The following TENM1 variants were observed in gnomAD, a reference collection of about 807,000 sequenced individuals.
TENM1 encodes the protein teneurin transmembrane protein 1.
TENM1 carries 35 observed loss-of-function variants against 174.8 expected under a neutral mutation model. That is an observed-to-expected ratio of 0.20 (90% CI 0.15 to 0.27). The LOEUF is 0.27. TENM1 is among the 10% of genes least tolerant of loss of function. The probability of loss-of-function intolerance (pLI) is 1.00; values close to 1 mark genes in which losing one functional copy is unlikely to be tolerated. For synonymous variants in TENM1, 781 were observed against 798.7 expected (o/e 0.98, Z 0.37); for missense variants, 1,633 against 2,130.1 (o/e 0.77, Z 4.59).
chrX:124,545,823 C>A (rs1300610652), intron 15 of TENM1, among the ~76,000 whole-genome samples: 3 of 111,579 alleles, frequency 2.7e-5, no homozygotes, highest in African/African-American at 9.8e-5. Context: ...TTGTGATTCA[C>A]TGGCAGTTGG....
At position 124,605,069 on chromosome X, in the gene TENM1, A is replaced by G. The variant is rs142940791; in HGVS notation, c.2077+36722T>C. Among the ~76,000 whole-genome samples the G allele has an allele frequency of 5.6e-5, 6 of 106,658 alleles. No homozygotes were observed. The East Asian group carries it at 1.8e-3, about 31-fold the overall frequency. The allele number at this position is 106,658 out of a possible 115,157, so 92.6% of individuals were successfully genotyped here. A position where few individuals can be genotyped will look rare whatever the true frequency, so the allele number is the denominator to read the frequency against. ...GGGACTCTTCAAAAAAGCCCCAAGAACAGTGCTGCAAGGACTACTGTGAAG... is the reference window on the plus strand; with the variant it reads ...GGGACTCTTCAAAAAAGCCCCAAGAGCAGTGCTGCAAGGACTACTGTGAAG... On this transcript the variant is annotated intron_variant, in intron 11 of 31. Coordinates refer to ENST00000422452, the Ensembl canonical transcript of TENM1.
chrX:124,414,708 T>C (rs1449137632), intron 25 of TENM1, among the ~76,000 whole-genome samples: 1 of 111,610 alleles, frequency 9.0e-6, no homozygotes, highest in African/African-American at 3.3e-5. Flanking sequence ...GCCCAGGCAC[T>C]ACCACTACAC....
the TENM1 span, among the ~76,000 whole-genome samples, chrX:125,104,917 T>C: frequency 1.8e-5 from 2 of 112,027 alleles, no homozygotes; most frequent in South Asian, 3.7e-4. Flanking sequence ...AAAGATGCTG[T>C]ATTATGCATC....
At chrX:125,017,852 C>T in the TENM1 span, among the ~76,000 whole-genome samples, 1 of 110,800 alleles carries the variant, frequency 9.0e-6, no homozygotes, top group Non-Finnish European at 1.9e-5. Flanking sequence ...GGGAACATCA[C>T]ACACCGGAGC....
intron 3 of TENM1, among the ~76,000 whole-genome samples, chrX:124,881,739 T>G (rs1218887436): frequency 9.1e-6 from 1 of 109,866 alleles, no homozygotes; most frequent in African/African-American, 3.3e-5. Context: ...TGTTTTGTTT[T>G]TTTTTTTTAG....
At chrX:125,105,323 C>T in the TENM1 span, among the ~76,000 whole-genome samples, 1 of 111,157 alleles carries the variant, frequency 9.0e-6, no homozygotes, top group African/African-American at 3.3e-5. Flanking sequence ...GCAGAAATCT[C>T]AGATTTCTAT....
chrX:124,565,704 G>C (rs1306663756), intron 11 of TENM1, 144 bp from the exon 15 acceptor site: 4 of 365,849 alleles, frequency 1.1e-5, no homozygotes, highest in Admixed American at 6.5e-5. Flanking sequence ...GGGTCTTGCT[G>C]GGTTAACCAG....
At chrX:124,489,794 C>T (rs1297199543) in intron 20 of TENM1, among the ~76,000 whole-genome samples, 1 of 111,498 alleles carries the variant, frequency 9.0e-6, no homozygotes, top group East Asian at 2.8e-4. Context: ...GTTCTTCATG[C>T]TGTTCTCAGC....
exon 32 of TENM1, chrX:124,380,110 G>A (rs754424221): frequency 1.7e-5 from 2 of 116,717 alleles, no homozygotes; most frequent in Admixed American, 9.3e-5. Flanking sequence ...GCAGTCTTTC[G>A]AAAGGCAAGT....
chrX:124,591,257 T>A (rs1251246931), intron 11 of TENM1, among the ~76,000 whole-genome samples: 2 of 111,664 alleles, frequency 1.8e-5, no homozygotes, highest in Non-Finnish European at 3.8e-5. Context: ...CATGTGAGGT[T>A]TTGATCCTAT....
chrX:124,481,326 G>C (rs34498443), intron 22 of TENM1, among the ~76,000 whole-genome samples: 2,816 of 110,846 alleles, frequency 0.025, 84 homozygotes, highest in African/African-American at 0.088. Context: ...AGCAATGCAG[G>C]CTGAAGAGCC....
At chrX:124,463,178 C>G (rs113617582) in intron 22 of TENM1, among the ~76,000 whole-genome samples, 3 of 111,808 alleles carry the variant, frequency 2.7e-5, no homozygotes, top group African/African-American at 6.5e-5. Context: ...TCTGAAGAAA[C>G]AGAAGTGCCT....
At chrX:124,980,065 A>G in the TENM1 span, among the ~76,000 whole-genome samples, 1 of 111,655 alleles carries the variant, frequency 9.0e-6, no homozygotes, top group African/African-American at 3.3e-5. Flanking sequence ...TATATCTTGG[A>G]TTTACTTCAA....
chrX:124,459,029 G>A (rs761614327), intron 22 of TENM1, among the ~76,000 whole-genome samples: 4 of 112,061 alleles, frequency 3.6e-5, no homozygotes, highest in Non-Finnish European at 7.5e-5. Context: ...CTGGAAACTG[G>A]TAGAGGGAGA....
intron 3 of TENM1, among the ~76,000 whole-genome samples, chrX:124,823,367 T>G (rs1284379871): frequency 1.8e-5 from 2 of 111,899 alleles, no homozygotes; most frequent in African/African-American, 6.5e-5. Flanking sequence ...AACAAATAAA[T>G]ATACTGACAA....
chrX:125,030,469 A>G, the TENM1 span, among the ~76,000 whole-genome samples: 1 of 112,302 alleles, frequency 8.9e-6, no homozygotes, highest in Non-Finnish European at 1.9e-5. Flanking sequence ...ATGGCTTTCT[A>G]TATCATTCAG....
the TENM1 span, among the ~76,000 whole-genome samples, chrX:125,060,167 TCTCTCTCTCTCTCTCACACACACACA>T: frequency 1.2e-5 from 1 of 82,312 alleles, no homozygotes; most frequent in African/African-American, 7.6e-5. Context: ...CTCCTCTCTC[TCTCTCTCTCTCTCTCACACACACACA>T]CACACACACA....
intron 4 of TENM1, among the ~76,000 whole-genome samples, chrX:124,725,017 C>T (rs938493882): frequency 9.0e-6 from 1 of 111,357 alleles, no homozygotes; most frequent in African/African-American, 3.3e-5. Flanking sequence ...CCAAAATCTG[C>T]TGACACCTTG....
intron 3 of TENM1, among the ~76,000 whole-genome samples, chrX:124,836,263 C>G (rs763246898): frequency 2.0e-4 from 22 of 111,401 alleles, no homozygotes; most frequent in Non-Finnish European, 2.4e-4. Flanking sequence ...TTCCCCCACT[C>G]CCAGGTCCCC....
Sources: allele counts gnomAD v4.1 joint callset (sites outside exome capture counted in the v4.1 genomes callset), GRCh38; gene constraint gnomAD v4.1.1; transcripts MANE v1.5; gene names NCBI Gene and HGNC (gene_info 2026-07-23, HGNC 2026-07-21).